STS: variants seen among roughly 807,000 people sequenced by gnomAD.
STS encodes the protein steroid sulfatase.
A neutral mutation model predicts 26.8 loss-of-function variants in STS; 7 were observed. That is an observed-to-expected ratio of 0.26 (90% CI 0.15 to 0.49). STS has a LOEUF of 0.49. STS is among the 20% of genes least tolerant of loss of function. The pLI is 0.98. For synonymous variants in STS, 199 were observed against 189.4 expected, an observed-to-expected ratio of 1.05 and a Z score of -0.42; for missense variants, 434 against 465.6, an observed-to-expected ratio of 0.93 and a Z score of 0.63.
intron 8 of STS, among the ~76,000 whole-genome samples, chrX:7,308,864 C>T (rs1415375838): frequency 8.9e-6 from 1 of 111,797 alleles, no homozygotes; most frequent in Non-Finnish European, 1.9e-5. Flanking sequence ...ATCTTGTTCT[C>T]TAGAGCTGCA....
chrX:7,330,439 G>C (rs1273932244), intron 9 of STS, among the ~76,000 whole-genome samples: 2 of 112,316 alleles, frequency 1.8e-5, no homozygotes, highest in Non-Finnish European at 3.8e-5. Context: ...CAAGGAAACA[G>C]AGTGCTGGCA....
intron 9 of STS, among the ~76,000 whole-genome samples, chrX:7,333,108 A>T (rs1394254305): frequency 8.9e-6 from 1 of 112,343 alleles, no homozygotes; most frequent in African/African-American, 3.2e-5. Context: ...AACGCCTTGT[A>T]ACAAGAGATG....
intron 2 of STS, among the ~76,000 whole-genome samples, chrX:7,205,472 G>C (rs1934195647): frequency 9.0e-6 from 1 of 111,539 alleles, no homozygotes; most frequent in African/African-American, 3.3e-5. Context: ...CCTTCAGCTT[G>C]AGGAGCAAAT....
intron 2 of STS, among the ~76,000 whole-genome samples, chrX:7,191,713 C>T (rs1933876945): frequency 9.1e-6 from 1 of 109,573 alleles, no homozygotes; most frequent in East Asian, 2.9e-4. Flanking sequence ...TGCTTTTTCC[C>T]CTGGTGGAGT....
In STS at chrX:7,313,963, C is replaced by T. The variant is rs369497243; in HGVS notation, c.1081+8780C>T. On this transcript the variant is annotated intron_variant, in intron 8 of 10. Coordinates refer to ENST00000674429, the MANE Select transcript of STS (RefSeq NM_001320752.2). ...GAGGAGCTGACATTTTGCAGGTTGA[C>T]GTTTTGCATTGTTGGCTAGGAGAGG... is the stretch of plus-strand genomic sequence containing the variant. 9.6e-4 allele frequency among the ~76,000 whole-genome samples: 107 copies of T among 111,703 alleles called. 1 individual carries two copies. In the South Asian group the frequency reaches 0.04, roughly 41 times the overall value.
At chrX:7,258,567 A>C (rs1923563444) in intron 5 of STS, among the ~76,000 whole-genome samples, 2 of 111,870 alleles carry the variant, frequency 1.8e-5, no homozygotes, top group African/African-American at 6.5e-5. Context: ...TCCTTTTTGC[A>C]TGAAGAGCTT....
intron 2 of STS, among the ~76,000 whole-genome samples, chrX:7,250,928 G>A (rs1923109934): frequency 8.9e-6 from 1 of 112,579 alleles, no homozygotes; most frequent in South Asian, 3.7e-4. Context: ...TGGACACTCA[G>A]AAGTGGCACC....
chrX:7,184,150 C>T (rs1184325681), intron 1 of STS, among the ~76,000 whole-genome samples: 1 of 112,468 alleles, frequency 8.9e-6, no homozygotes, highest in Non-Finnish European at 1.9e-5. Context: ...ATCCCCAATG[C>T]ACAACAAGGA....
At chrX:7,259,919 A>G in intron 6 of STS, 147 bp downstream of exon 6, 1 of 743,347 alleles carries the variant, frequency 1.3e-6, no homozygotes, top group South Asian at 2.3e-5. Context: ...TCTGTCGCCC[A>G]GGCTGGAGTG....
chrX:7,248,396 C>G (rs1233606568), intron 2 of STS, among the ~76,000 whole-genome samples: 1 of 111,996 alleles, frequency 8.9e-6, no homozygotes, highest in Non-Finnish European at 1.9e-5. Context: ...AGAGAAAGAG[C>G]TTCTTGTGGT....
intron 8 of STS, among the ~76,000 whole-genome samples, chrX:7,311,220 C>T: frequency 9.1e-6 from 1 of 110,143 alleles, no homozygotes; most frequent in Middle Eastern, 4.6e-3. Flanking sequence ...TTGGTGGTCT[C>T]CCTAATTCTT....
At chrX:7,219,645 A>G in intron 2 of STS, 1 of 1,211,435 alleles carries the variant, frequency 8.3e-7, no homozygotes, top group Non-Finnish European at 1.1e-6. Flanking sequence ...ATCACAGCTC[A>G]GTTCCCCAAC....
intron 8 of STS, among the ~76,000 whole-genome samples, chrX:7,324,608 T>G (rs1927289413): frequency 9.0e-6 from 1 of 111,573 alleles, no homozygotes; most frequent in Non-Finnish European, 1.9e-5. Context: ...CAGTCTGTTT[T>G]GTCAGTCTTA....
At chrX:7,340,175 T>C (rs1202750336) in intron 10 of STS, among the ~76,000 whole-genome samples, 1 of 110,855 alleles carries the variant, frequency 9.0e-6, no homozygotes, top group Non-Finnish European at 1.9e-5. Flanking sequence ...CTTCTGATCT[T>C]TTCCCCTTGC....
chrX:7,190,732 T>A (rs892408284), intron 1 of STS, among the ~76,000 whole-genome samples, 148 bp from the exon 2 acceptor site: 2 of 109,202 alleles, frequency 1.8e-5, no homozygotes, highest in African/African-American at 6.7e-5. Flanking sequence ...GCCATGATCA[T>A]GCTGCTGTCT....
At chrX:7,235,378 A>T (rs1214932502) in intron 2 of STS, among the ~76,000 whole-genome samples, 2 of 112,291 alleles carry the variant, frequency 1.8e-5, no homozygotes. Flanking sequence ...ACTAACAGGG[A>T]TGAGGAGCTT....
intron 7 of STS, among the ~76,000 whole-genome samples, chrX:7,302,532 TGACA>T (rs2147137129): frequency 8.9e-6 from 1 of 111,978 alleles, no homozygotes; most frequent in East Asian, 2.8e-4. Flanking sequence ...GTTCTGAGTA[TGACA>T]TTTACATATA....
rs148591165 is a variant in STS at position 7,223,659 on chromosome X, C to T, written c.-4-29537C>T. Among the ~76,000 whole-genome samples, 73 of 110,278 alleles carry T rather than the reference C, an allele frequency of 6.6e-4. 1 individual carries two copies. In the East Asian group the frequency reaches 9.2e-3, roughly 14 times the overall value. ...GTTCCTTGTGGATTCTAGATATTAG[C>T]ACTTTGTCAGATGCATAGTTTGCAA... On this transcript the variant is annotated intron_variant, in intron 2 of 10. Transcript: ENST00000674429.
rs1170291138 is a variant in STS at position 7,353,152 on chromosome X, C to T, written c.*2891C>T. On this transcript the variant is annotated 3_prime_UTR_variant, in exon 11 of 11. Transcript: ENST00000674429. The stretch of plus-strand genomic sequence containing the variant: ...ACTACATTTCCAACTTGATGTCAAG[C>T]AATGGGGAATACAAGTTCCAGTTCT... 1 of 111,478 alleles carries T rather than the reference C, an allele frequency of 9.0e-6. No homozygotes were observed. Among genetic ancestry groups the T allele is most frequent in the Non-Finnish European group, 1.9e-5 (1 of 53,185 alleles). The allele number at this position is 111,478 out of a possible 1,213,427, so 9.2% of individuals were successfully genotyped here.
Sources: gnomAD v4.1 joint callset for allele counts (sites outside exome capture counted in the v4.1 genomes callset) on GRCh38, gnomAD v4.1.1 for gene constraint, MANE v1.5 for transcripts, NCBI Gene and HGNC (gene_info 2026-07-23, HGNC 2026-07-21) for gene names.